Variants in HAPLN1 observed in about 807,000 individuals in gnomAD.
HAPLN1 encodes hyaluronan and proteoglycan link protein 1, also known as Cartilage link protein.
HAPLN1 carries 13 observed loss-of-function variants against 36.5 expected under a neutral mutation model. The ratio of observed to expected loss-of-function variants is 0.36; its 90% CI spans 0.23 to 0.57. The LOEUF (loss-of-function observed/expected upper bound fraction) is 0.57. Ranked by LOEUF, HAPLN1 falls within the 20% of genes least tolerant of loss-of-function variation. HAPLN1 has a pLI of 0.83. For synonymous variants in HAPLN1, 202 were observed against 169.8 expected, an observed-to-expected ratio of 1.19 and a Z score of -1.48; for missense variants, 407 against 439.7, an observed-to-expected ratio of 0.93 and a Z score of 0.66.
chr5:83,714,580 C>T (rs868395704), intron 1 of HAPLN1, among the ~76,000 whole-genome samples: 7 of 152,046 alleles, frequency 4.6e-5, no homozygotes, highest in Admixed American at 1.3e-4. Context: ...TTTTACTGTA[C>T]TTACATACCT....
intron 1 of HAPLN1, among the ~76,000 whole-genome samples, chr5:83,676,069 T>A (rs528094409): frequency 6.6e-6 from 1 of 152,290 alleles, no homozygotes; most frequent in South Asian, 2.1e-4. Context: ...GTGGTATTTT[T>A]CTTAACATGA....
intron 1 of HAPLN1, among the ~76,000 whole-genome samples, chr5:83,716,759 T>A (rs1037555070): frequency 1.3e-5 from 2 of 152,200 alleles, no homozygotes; most frequent in African/African-American, 4.8e-5. Context: ...AGGCTGGGCA[T>A]GGTAGCTCAT....
chr5:83,676,845 G>C (rs75595580), intron 1 of HAPLN1, among the ~76,000 whole-genome samples: 220 of 152,230 alleles, frequency 1.4e-3, no homozygotes, highest in African/African-American at 5.0e-3. Context: ...CTTAATGCTC[G>C]ATCAGCCAGC....
chr5:83,645,471 C>CTTTATTTTTTTTTTTTTTT (rs1423821503), intron 3 of HAPLN1, among the ~76,000 whole-genome samples: 1 of 20,320 alleles, frequency 4.9e-5, no homozygotes, highest in South Asian at 2.5e-3. Flanking sequence ...TTTTCTTTTT[C>CTTTATTTTTTTTTTTTTTT]TTTCTTTTTT....
At chr5:83,712,050 T>C (rs1269138090) in intron 1 of HAPLN1, among the ~76,000 whole-genome samples, 1 of 152,208 alleles carries the variant, frequency 6.6e-6, no homozygotes, top group Non-Finnish European at 1.5e-5. Context: ...ATACTTGAAG[T>C]TACTTTCTCT....
chr5:83,678,220 G>GGGGTGTGTGTGTGTGT (rs1554049526), intron 1 of HAPLN1, among the ~76,000 whole-genome samples: 2 of 142,640 alleles, frequency 1.4e-5, no homozygotes, highest in East Asian at 2.1e-4. Flanking sequence ...CTATAGTTTG[G>GGGGTGTGTGTGTGTGT]GTGTGTGTGT....
chr5:83,677,283 A>T (rs6886123), intron 1 of HAPLN1, among the ~76,000 whole-genome samples: 38,846 of 152,086 alleles, frequency 0.26, 5,317 homozygotes, highest in African/African-American at 0.34. Flanking sequence ...TACAACAAGG[A>T]GCTGGTAGTC....
At chr5:83,707,497 A>G (rs899534534) in intron 1 of HAPLN1, among the ~76,000 whole-genome samples, 1 of 152,158 alleles carries the variant, frequency 6.6e-6, no homozygotes, top group African/African-American at 2.4e-5. Context: ...GACTCCCTAT[A>G]CAATAAGTGG....
intron 1 of HAPLN1, among the ~76,000 whole-genome samples, chr5:83,683,852 G>A (rs1751059422): frequency 6.6e-6 from 1 of 152,234 alleles, no homozygotes; most frequent in East Asian, 1.9e-4. Flanking sequence ...AATGTCATGG[G>A]AAATAGAATG....
At chr5:83,669,069 A>C (rs1320294353) in intron 2 of HAPLN1, among the ~76,000 whole-genome samples, 2 of 152,232 alleles carry the variant, frequency 1.3e-5, no homozygotes, top group African/African-American at 4.8e-5. Flanking sequence ...CATTTCTGGG[A>C]GTTCCTCTTG....
At chr5:83,651,386 C>T (rs1443300714) in intron 3 of HAPLN1, among the ~76,000 whole-genome samples, 2 of 152,054 alleles carry the variant, frequency 1.3e-5, no homozygotes, top group South Asian at 2.1e-4. Flanking sequence ...CTGAATAATG[C>T]CAATGTTCAT....
intron 3 of HAPLN1, among the ~76,000 whole-genome samples, chr5:83,645,011 T>C (rs535031157): frequency 3.3e-4 from 51 of 152,268 alleles, no homozygotes; most frequent in Non-Finnish European, 5.6e-4. Context: ...TTACTAACAC[T>C]ATAATGGGTT....
intron 1 of HAPLN1, among the ~76,000 whole-genome samples, chr5:83,704,044 G>A (rs1751572544): frequency 6.6e-6 from 1 of 151,034 alleles, no homozygotes; most frequent in Non-Finnish European, 1.5e-5. Context: ...CAAACTAACA[G>A]CAGACCTGTC....
chr5:83,645,475 CTTT>C, intron 3 of HAPLN1, among the ~76,000 whole-genome samples: 12 of 74,354 alleles, frequency 1.6e-4, no homozygotes, highest in Non-Finnish European at 2.5e-4. Flanking sequence ...CTTTTTCTTT[CTTT>C]TTTTTTTTTT....
In HAPLN1 at chr5:83,640,540, A is replaced by G. The variant is rs990392493; in HGVS notation, c.*956T>C. The G allele has an allele frequency of 6.6e-6, 1 of 152,210 alleles. No individual in the cohort carries two copies. Among genetic ancestry groups the G allele is most frequent in the Non-Finnish European group, 1.5e-5 (1 of 68,024 alleles). 9.4% of individuals were successfully genotyped at this position (152,210 alleles called of 1,614,324 possible). A position where few individuals can be genotyped will look rare whatever the true frequency, so the allele number is the denominator to read the frequency against. ...CTTTTATAATGTAATTGATTTTCAT[A>G]TAATGTAAATATGAAATATTAAATC... On this transcript the variant is annotated 3_prime_UTR_variant, in exon 5 of 5. Transcript: ENST00000274341.
intron 3 of HAPLN1, among the ~76,000 whole-genome samples, chr5:83,646,272 ATATAAT>A (rs971388895): frequency 6.6e-6 from 1 of 152,226 alleles, no homozygotes; most frequent in African/African-American, 2.4e-5. Flanking sequence ...GAATTTTTTA[ATATAAT>A]TAGAAATAAC....
intron 3 of HAPLN1, among the ~76,000 whole-genome samples, chr5:83,649,945 A>C (rs1053293668): frequency 5.9e-5 from 9 of 152,244 alleles, no homozygotes; most frequent in African/African-American, 2.2e-4. Flanking sequence ...ATATTTACAA[A>C]ACAAAATGTG....
intron 2 of HAPLN1, among the ~76,000 whole-genome samples, chr5:83,654,832 A>G (rs954711502): frequency 6.6e-6 from 1 of 152,212 alleles, no homozygotes. Context: ...TCAATTTACT[A>G]GCTCTGTAGC....
chr5:83,677,566 C>T (rs1287597506), intron 1 of HAPLN1, among the ~76,000 whole-genome samples: 1 of 152,144 alleles, frequency 6.6e-6, no homozygotes, highest in Non-Finnish European at 1.5e-5. Context: ...CTATTGTTCC[C>T]TTAGCCTGGG....
Sources: gnomAD v4.1 joint callset for allele counts (sites outside exome capture counted in the v4.1 genomes callset) on GRCh38, gnomAD v4.1.1 for gene constraint, MANE v1.5 for transcripts, NCBI Gene and HGNC (gene_info 2026-07-23, HGNC 2026-07-21) for gene names.